Variants in TMPRSS11F observed in about 807,000 individuals in gnomAD.
The protein encoded by TMPRSS11F is transmembrane protease serine 11F.
In TMPRSS11F, 47 loss-of-function variants were observed where a neutral mutation model predicts 60.2. The observed-to-expected ratio is 0.78, with a 90% CI of 0.62 to 1.00. The LOEUF (loss-of-function observed/expected upper bound fraction) is 1.00. Ranked by LOEUF, TMPRSS11F falls within the 50% of genes least tolerant of loss-of-function variation. TMPRSS11F has a pLI of 0.00. For synonymous variants in TMPRSS11F, 166 were observed against 167.3 expected, an observed-to-expected ratio of 0.99 and a Z score of 0.06; for missense variants, 519 against 522.9, an observed-to-expected ratio of 0.99 and a Z score of 0.07.
intron 7 of TMPRSS11F, among the ~76,000 whole-genome samples, 153 bp downstream of exon 7, chr4:68,068,465 G>A (rs1437370008): frequency 6.6e-6 from 1 of 152,158 alleles, no homozygotes; most frequent in African/African-American, 2.4e-5. Flanking sequence ...CATAGATAGG[G>A]CATAGGGGAA....
intron 8 of TMPRSS11F, chr4:68,062,578 T>C (rs368166725): frequency 1.8e-5 from 15 of 852,444 alleles, no homozygotes; most frequent in Non-Finnish European, 2.9e-5. Context: ...ATCTACGTAC[T>C]TGCCGTCCTT....
intron 3 of TMPRSS11F, among the ~76,000 whole-genome samples, chr4:68,076,081 A>G (rs770944491): frequency 1.3e-5 from 2 of 152,186 alleles, no homozygotes; most frequent in Non-Finnish European, 2.9e-5. Context: ...CAGTTAACAG[A>G]CAAAAGTTTG....
At chr4:68,078,923 G>A (rs1481721404) in intron 3 of TMPRSS11F, among the ~76,000 whole-genome samples, 1 of 151,786 alleles carries the variant, frequency 6.6e-6, no homozygotes, top group African/African-American at 2.4e-5. Context: ...TCTGAACTGT[G>A]TACATATGAC....
chr4:68,060,244 A>T (rs1388150843), intron 8 of TMPRSS11F, among the ~76,000 whole-genome samples: 1 of 151,600 alleles, frequency 6.6e-6, no homozygotes, highest in African/African-American at 2.4e-5. Context: ...GTGGTGGCTC[A>T]CACCTGTAAT....
At chr4:68,124,500 A>G (rs1488156081) in intron 1 of TMPRSS11F, among the ~76,000 whole-genome samples, 1 of 152,184 alleles carries the variant, frequency 6.6e-6, no homozygotes, top group African/African-American at 2.4e-5. Context: ...ACCAAGCGGA[A>G]ACTTCAGCCT....
At chr4:68,101,070 T>G (rs942598693) in intron 1 of TMPRSS11F, among the ~76,000 whole-genome samples, 19 of 152,172 alleles carry the variant, frequency 1.2e-4, no homozygotes, top group African/African-American at 4.6e-4. Context: ...TCAAGTTTAA[T>G]AAAATGTAAG....
intron 8 of TMPRSS11F, among the ~76,000 whole-genome samples, chr4:68,061,613 C>G (rs1298800968): frequency 2.0e-5 from 3 of 152,092 alleles, no homozygotes; most frequent in Non-Finnish European, 4.4e-5. Context: ...AAAATTGAAT[C>G]GTTTTTCATT....
At chr4:68,090,673 T>A (rs761287139) in intron 2 of TMPRSS11F, 32 bp from the exon 3 acceptor site, 1 of 1,573,406 alleles carries the variant, frequency 6.4e-7, no homozygotes, top group Non-Finnish European at 8.6e-7. Flanking sequence ...AGTCTCATGG[T>A]TAAAGGTAAT....
intron 2 of TMPRSS11F, among the ~76,000 whole-genome samples, chr4:68,095,015 G>A (rs961735): frequency 0.3 from 46,233 of 151,594 alleles, 7,156 homozygotes; most frequent in East Asian, 0.49. Context: ...TGAGACAACT[G>A]GCAAATTCAG....
intron 1 of TMPRSS11F, among the ~76,000 whole-genome samples, chr4:68,102,193 A>G (rs1724205816): frequency 6.6e-6 from 1 of 152,072 alleles, no homozygotes; most frequent in Non-Finnish European, 1.5e-5. Context: ...CATTGTATAT[A>G]TTTACCACAA....
chr4:68,100,747 T>C (rs4361439), intron 1 of TMPRSS11F, among the ~76,000 whole-genome samples: 33,156 of 152,114 alleles, frequency 0.22, 4,049 homozygotes, highest in Admixed American at 0.37. Flanking sequence ...GCCTTTCTCT[T>C]TGACTTATTT....
At chr4:68,054,820 G>A (rs1723007257) in intron 9 of TMPRSS11F, among the ~76,000 whole-genome samples, 1 of 152,108 alleles carries the variant, frequency 6.6e-6, no homozygotes, top group African/African-American at 2.4e-5. Flanking sequence ...ATAAATGACA[G>A]GCCCCTGTGC....
chr4:68,072,492 G>A lies in TMPRSS11F; in HGVS notation c.351-6C>T. On this transcript the variant is annotated splice_polypyrimidine_tract_variant and splice_region_variant and intron_variant, in intron 4 of 9. Transcript: ENST00000356291. ...CCACACCTTGTTCATCTGGACTGAA[G>A]AACAAAAAAGCAGATAAAAATGGCA... 2 of 1,481,158 alleles carry A rather than the reference G, an allele frequency of 1.4e-6. No individual in the cohort carries two copies. The highest frequency in any genetic ancestry group is 1.9e-4 in the Middle Eastern group (1 of 5,362). 91.8% of individuals were successfully genotyped at this position (1,481,158 alleles called of 1,614,324 possible).
chr4:68,072,229 AAAT>A, intron 5 of TMPRSS11F, 91 bp downstream of exon 5: 2 of 113,716 alleles, frequency 1.8e-5, no homozygotes, highest in African/African-American at 3.2e-5. Flanking sequence ...TCCAAAAAAA[AAAT>A]ATATATATAT....
chr4:68,064,429 C>T (rs931526496), intron 8 of TMPRSS11F, among the ~76,000 whole-genome samples: 5 of 152,156 alleles, frequency 3.3e-5, no homozygotes, highest in Admixed American at 1.3e-4. Context: ...TCAGGTGATC[C>T]GCCAGCCTTG....
intron 6 of TMPRSS11F, 73 bp downstream of exon 6, chr4:68,069,896 C>T: frequency 7.7e-7 from 1 of 1,306,116 alleles, no homozygotes; most frequent in Non-Finnish European, 1.0e-6. Context: ...AACTTTACTG[C>T]CAACTTTTCT....
chr4:68,064,351 A>AT (rs1409484398), intron 8 of TMPRSS11F, among the ~76,000 whole-genome samples: 6 of 151,280 alleles, frequency 4.0e-5, no homozygotes, highest in South Asian at 2.1e-4. Flanking sequence ...TGCCCAGCTA[A>AT]TTTTTTTTGT....
chr4:68,054,950 T>C (rs193111001), intron 9 of TMPRSS11F, among the ~76,000 whole-genome samples: 77 of 152,224 alleles, frequency 5.1e-4, no homozygotes, highest in African/African-American at 1.8e-3. Context: ...ACAGGGAAGT[T>C]TGACTGATAA....
chr4:68,108,512 G>T (rs1724345686), intron 1 of TMPRSS11F, among the ~76,000 whole-genome samples: 1 of 152,102 alleles, frequency 6.6e-6, no homozygotes, highest in Admixed American at 6.5e-5. Flanking sequence ...GCAAAATCCT[G>T]AAGATCCTCC....
Sources: allele counts gnomAD v4.1 joint callset (sites outside exome capture counted in the v4.1 genomes callset), GRCh38; gene constraint gnomAD v4.1.1; transcripts MANE v1.5; gene names NCBI Gene and HGNC (gene_info 2026-07-23, HGNC 2026-07-21).